TRIM44: variants seen among roughly 807,000 people sequenced by gnomAD.
TRIM44 encodes the protein tripartite motif-containing protein 44.
TRIM44 carries 13 observed loss-of-function variants against 37.4 expected under a neutral mutation model. The ratio of observed to expected loss-of-function variants is 0.35; its 90% CI spans 0.23 to 0.55. The LOEUF is 0.55. TRIM44 is among the 20% of genes least tolerant of loss of function. The probability of loss-of-function intolerance (pLI) is 0.89; values close to 1 mark genes in which losing one functional copy is unlikely to be tolerated. For synonymous variants in TRIM44, 175 were observed against 157.2 expected (o/e 1.11, Z -0.85); for missense variants, 426 against 437.2 (o/e 0.97, Z 0.23).
At chr11:35,677,710 A>G (rs1166630191) in intron 1 of TRIM44, among the ~76,000 whole-genome samples, 1 of 152,170 alleles carries the variant, frequency 6.6e-6, no homozygotes, top group Non-Finnish European at 1.5e-5. Context: ...AAGGCTTAAA[A>G]TTTGCCAGGT....
At chr11:35,701,291 G>A (rs147032456) in intron 2 of TRIM44, among the ~76,000 whole-genome samples, 21 of 152,080 alleles carry the variant, frequency 1.4e-4, no homozygotes, top group South Asian at 4.2e-4. Flanking sequence ...GGTCTTTTGC[G>A]CAGCCTGTTT....
Position 35,728,370 on chromosome 11 carries a change from T to G in TRIM44, c.987+2207T>G, listed in dbSNP as rs1456629767. On this transcript the variant is annotated intron_variant, in intron 3 of 4. Transcript: ENST00000299413. Reference sequence around the variant, plus strand: ...TTGGGGTTTATTCTTCTCTTTTATTTTAATCTATGAATTTAGTCCTTCTCT... The same window carrying G: ...TTGGGGTTTATTCTTCTCTTTTATTGTAATCTATGAATTTAGTCCTTCTCT... 2.6e-5 allele frequency among the ~76,000 whole-genome samples: 4 copies of G among 151,838 alleles called. No individual in the cohort carries two copies. The East Asian group carries it at 7.7e-4, about 29-fold the overall frequency.
rs151023580 is a variant in TRIM44, at chr11:35,732,186, T to C, written c.988-3240T>C. Among the ~76,000 whole-genome samples, 863 of 152,340 alleles carry C rather than the reference T, an allele frequency of 5.7e-3. 5 individuals are homozygous for C. Among genetic ancestry groups the C allele is most frequent in the Non-Finnish European group, 8.7e-3 (590 of 68,024 alleles). On this transcript the variant is annotated intron_variant, in intron 3 of 4. Transcript: ENST00000299413. Reference sequence around the variant, plus strand: ...TATCTCTCTTGCATTCACTTTTTGTTATTTAATTAAATGTGTCATCATTAC... The same window carrying C: ...TATCTCTCTTGCATTCACTTTTTGTCATTTAATTAAATGTGTCATCATTAC...
At chr11:35,715,960 C>G (rs1467316503) in intron 2 of TRIM44, among the ~76,000 whole-genome samples, 1 of 152,154 alleles carries the variant, frequency 6.6e-6, no homozygotes, top group Non-Finnish European at 1.5e-5. Flanking sequence ...GAACTCCACC[C>G]TTATGATCCA....
At chr11:35,674,262 G>A (rs1165978412) in intron 1 of TRIM44, among the ~76,000 whole-genome samples, 6 of 147,880 alleles carry the variant, frequency 4.1e-5, no homozygotes, top group Admixed American at 2.0e-4. Flanking sequence ...GTACACATGC[G>A]CACATGTGTT....
intron 4 of TRIM44, among the ~76,000 whole-genome samples, chr11:35,782,736 A>G (rs1590597689): frequency 6.6e-6 from 1 of 152,162 alleles, no homozygotes; most frequent in East Asian, 1.9e-4. Context: ...TCTGTGTCAT[A>G]TGCTCAAGTA....
chr11:35,716,139 C>CA (rs1852037243), intron 2 of TRIM44, among the ~76,000 whole-genome samples: 2 of 152,096 alleles, frequency 1.3e-5, no homozygotes, highest in South Asian at 4.1e-4. Context: ...AGCACCAAGG[C>CA]AGAGGGAGTG....
At chr11:35,789,388 G>GT (rs1467329188) in intron 4 of TRIM44, among the ~76,000 whole-genome samples, 1 of 152,210 alleles carries the variant, frequency 6.6e-6, no homozygotes, top group Non-Finnish European at 1.5e-5. Context: ...TTTAGTATGT[G>GT]TAGGGTAGTG....
rs1853557826 is a variant in TRIM44 at position 35,814,403 on chromosome 11, C to G, written c.*8018C>G. 1.3e-5 allele frequency: 2 copies of G among 152,176 alleles called. No individual in the cohort carries two copies. 9.4% of individuals were successfully genotyped at this position (152,176 alleles called of 1,614,324 possible). A position where few individuals can be genotyped will look rare whatever the true frequency, so the allele number is the denominator to read the frequency against. ...TGACCTTAATCCATGTTGGAGCCAT[C>G]AATCAAAGAATTGCTTGCATCTAAT... On this transcript the variant is annotated 3_prime_UTR_variant, in exon 5 of 5. Transcript: ENST00000299413.
intron 2 of TRIM44, among the ~76,000 whole-genome samples, chr11:35,714,129 C>T (rs1478147921): frequency 6.6e-6 from 1 of 152,080 alleles, no homozygotes; most frequent in Non-Finnish European, 1.5e-5. Flanking sequence ...CATAGGCTCC[C>T]TCTTTTCTTT....
At chr11:35,757,976 T>C (rs2133857559) in intron 4 of TRIM44, among the ~76,000 whole-genome samples, 1 of 152,310 alleles carries the variant, frequency 6.6e-6, no homozygotes, top group Non-Finnish European at 1.5e-5. Flanking sequence ...GTATATTCTG[T>C]TGATTTGGGG....
intron 4 of TRIM44, among the ~76,000 whole-genome samples, chr11:35,781,776 T>C (rs959325021): frequency 3.3e-5 from 5 of 152,246 alleles, no homozygotes; most frequent in African/African-American, 1.2e-4. Flanking sequence ...GAGAATGTTA[T>C]GACCTCGAAC....
At position 35,685,313 on chromosome 11, in the gene TRIM44, A is replaced by C. The variant is rs1232585871; in HGVS notation, c.724A>C (p.Lys242Gln). 6.2e-7 allele frequency: 1 copy of C among 1,614,106 alleles called. No individual in the cohort carries two copies. Among genetic ancestry groups the C allele is most frequent in the Non-Finnish European group, 8.5e-7 (1 of 1,180,038 alleles). The change falls in exon 2 of 5, where the codon AAG becomes CAG. Residue 242 changes from lysine to glutamine, a missense_variant. Lys to Gln is a moderately conservative substitution (Grantham distance 53). This residue lies in a region of TRIM44 where 95 missense variants were observed against 134.2 expected (regional missense o/e 0.71). Transcript: ENST00000299413. The stretch of plus-strand genomic sequence containing the variant: ...TATGATCGAATTGGTGGAAAGGTTG[A>C]AGTTCAAGAGCTCAGACCCTAAAGT... ...AAMIELVERL[K>Q]FKSSDPKVTR... is the part of the protein sequence containing the mutation.
At chr11:35,724,233 C>T (rs1407185684) in intron 2 of TRIM44, 1 of 152,180 alleles carries the variant, frequency 6.6e-6, no homozygotes, top group Non-Finnish European at 1.5e-5. Context: ...AATCTGCTAC[C>T]CCCTCCTGTA....
At chr11:35,671,381 T>C (rs1000079221) in intron 1 of TRIM44, among the ~76,000 whole-genome samples, 22 of 152,346 alleles carry the variant, frequency 1.4e-4, no homozygotes, top group Admixed American at 6.5e-4. Flanking sequence ...ATAGAACTTT[T>C]GTGAGAATGA....
intron 2 of TRIM44, among the ~76,000 whole-genome samples, chr11:35,696,364 G>A (rs1406408126): frequency 6.6e-6 from 1 of 151,116 alleles, no homozygotes; most frequent in African/African-American, 2.4e-5. Flanking sequence ...GGATGGTCTC[G>A]ATCTCCTGAC....
intron 2 of TRIM44, among the ~76,000 whole-genome samples, chr11:35,689,175 A>T (rs1018083490): frequency 2.0e-5 from 3 of 152,180 alleles, no homozygotes; most frequent in Non-Finnish European, 4.4e-5. Flanking sequence ...ATTTAGGAGG[A>T]TGATCAAAGC....
intron 4 of TRIM44, among the ~76,000 whole-genome samples, chr11:35,784,651 A>G (rs1308358817): frequency 6.6e-6 from 1 of 152,244 alleles, no homozygotes; most frequent in Non-Finnish European, 1.5e-5. Flanking sequence ...CATATACAAC[A>G]TGCATATATA....
chr11:35,716,202 C>T (rs868047836), intron 2 of TRIM44, among the ~76,000 whole-genome samples: 1 of 151,952 alleles, frequency 6.6e-6, no homozygotes, highest in African/African-American at 2.4e-5. Context: ...GATTTGAGAC[C>T]AAGAATAGAA....
Sources: allele counts gnomAD v4.1 joint callset (sites outside exome capture counted in the v4.1 genomes callset), GRCh38; gene constraint gnomAD v4.1.1; regional missense constraint gnomAD v4.1.1; transcripts MANE v1.5; gene names NCBI Gene and HGNC (gene_info 2026-07-23, HGNC 2026-07-21).